Variants in PTPRD observed in about 807,000 individuals in gnomAD.
The protein encoded by PTPRD is receptor-type tyrosine-protein phosphatase delta.
PTPRD carries 34 observed loss-of-function variants against 214.5 expected under a neutral mutation model. That is an observed-to-expected ratio of 0.16 (90% CI 0.12 to 0.21). The LOEUF (loss-of-function observed/expected upper bound fraction) is 0.21. Ranked by LOEUF, PTPRD falls within the 10% of genes least tolerant of loss-of-function variation. The pLI is 1.00. For missense variants in PTPRD, 2,545 were observed against 2,398.7 expected, an observed-to-expected ratio of 1.06 and a Z score of -1.27; for synonymous variants, 1,128 against 845.7, an observed-to-expected ratio of 1.33 and a Z score of -5.79.
intron 35 of PTPRD, among the ~76,000 whole-genome samples, chr9:8,430,596 C>G (rs1166469163): frequency 6.6e-6 from 1 of 152,002 alleles, no homozygotes; most frequent in Middle Eastern, 3.2e-3. Context: ...ATTTATTACA[C>G]AAAGACATCA....
intron 3 of PTPRD, among the ~76,000 whole-genome samples, chr9:10,234,007 C>G (rs1240217865): frequency 1.3e-5 from 2 of 151,698 alleles, no homozygotes; most frequent in East Asian, 2.0e-4. Flanking sequence ...AATCCCAGCA[C>G]TTTTGGAGGC....
At chr9:10,185,044 G>A (rs1217342258) in intron 3 of PTPRD, among the ~76,000 whole-genome samples, 4 of 152,060 alleles carry the variant, frequency 2.6e-5, no homozygotes, top group Non-Finnish European at 4.4e-5. Flanking sequence ...GATTAATGCA[G>A]TATAAACAAA....
chr9:10,001,120 C>A (rs371847867), intron 4 of PTPRD, among the ~76,000 whole-genome samples: 1 of 152,042 alleles, frequency 6.6e-6, no homozygotes, highest in Admixed American at 6.6e-5. Flanking sequence ...TCCTTAAAAC[C>A]ACTCCACGTG....
At chr9:10,313,181 T>C (rs536976854) in intron 3 of PTPRD, among the ~76,000 whole-genome samples, 1 of 151,976 alleles carries the variant, frequency 6.6e-6, no homozygotes, top group African/African-American at 2.4e-5. Flanking sequence ...GAGCATAACT[T>C]CCACCATTTG....
intron 8 of PTPRD, among the ~76,000 whole-genome samples, chr9:9,424,757 G>C (rs990669088): frequency 1.3e-5 from 2 of 152,070 alleles, no homozygotes; most frequent in Non-Finnish European, 2.9e-5. Flanking sequence ...AATTTAGGAA[G>C]GTCACTAGAT....
intron 7 of PTPRD, among the ~76,000 whole-genome samples, chr9:9,721,782 G>T (rs2097953691): frequency 6.6e-6 from 1 of 151,956 alleles, no homozygotes. Flanking sequence ...ATGTTTGTTG[G>T]AAGGTGAATT....
intron 2 of PTPRD, among the ~76,000 whole-genome samples, chr9:10,482,238 G>T (rs907593995): frequency 6.6e-6 from 1 of 151,850 alleles, no homozygotes; most frequent in Admixed American, 6.6e-5. Flanking sequence ...GGGCGTGGTG[G>T]CGGGTGCCTG....
At chr9:10,211,031 C>T (rs2099514758) in intron 3 of PTPRD, among the ~76,000 whole-genome samples, 1 of 151,174 alleles carries the variant, frequency 6.6e-6, no homozygotes, top group African/African-American at 2.4e-5. Flanking sequence ...ACTTGAAAAA[C>T]ACAGTATATG....
Position 8,404,563 on chromosome 9 carries a change from G to A in PTPRD, c.4184C>T (p.Ser1395Phe). 6.2e-7 allele frequency: 1 copy of A among 1,613,000 alleles called. No individual in the cohort carries two copies. The highest frequency in any genetic ancestry group is 8.5e-7 in the Non-Finnish European group (1 of 1,179,146). ...TTCTATAGCTGATAGGAGAACCCGG[G>A]AATGATCATATGCGATTACATTCGC... ...RYANVIAYDH[S>F]RVLLSAIEGI... is the part of the protein sequence containing the mutation. The change falls in exon 36 of 46, where the codon TCC becomes TTC. Residue 1395 changes from serine to phenylalanine, a missense_variant. Ser to Phe is a radical substitution (Grantham distance 155). Coordinates refer to ENST00000381196, the MANE Select transcript of PTPRD (RefSeq NM_002839.4).
At chr9:9,944,940 A>T (rs927751889) in intron 4 of PTPRD, among the ~76,000 whole-genome samples, 1 of 152,100 alleles carries the variant, frequency 6.6e-6, no homozygotes, top group Non-Finnish European at 1.5e-5. Context: ...AAAACAACAA[A>T]AAGGCCTACT....
At chr9:10,251,566 C>G (rs1255660526) in intron 3 of PTPRD, among the ~76,000 whole-genome samples, 2 of 152,116 alleles carry the variant, frequency 1.3e-5, no homozygotes, top group Admixed American at 6.6e-5. Flanking sequence ...TATGAATGAG[C>G]TTGTGTAATG....
At chr9:8,396,172 G>C (rs2091115290) in intron 36 of PTPRD, among the ~76,000 whole-genome samples, 2 of 152,044 alleles carry the variant, frequency 1.3e-5, no homozygotes, top group South Asian at 4.1e-4. Context: ...AAAAGTCCTG[G>C]AACCAACACC....
intron 4 of PTPRD, among the ~76,000 whole-genome samples, chr9:10,020,162 A>T (rs1459647225): frequency 6.6e-6 from 1 of 152,180 alleles, no homozygotes; most frequent in Non-Finnish European, 1.5e-5. Context: ...AACAGGAACC[A>T]TTTTATAACC....
intron 8 of PTPRD, among the ~76,000 whole-genome samples, chr9:9,539,667 T>C (rs1451385255): frequency 6.6e-6 from 1 of 151,830 alleles, no homozygotes; most frequent in Non-Finnish European, 1.5e-5. Context: ...GTAAAATAAG[T>C]TCTCCCAAAG....
intron 8 of PTPRD, among the ~76,000 whole-genome samples, chr9:9,533,620 G>A (rs1590944967): frequency 6.6e-6 from 1 of 151,928 alleles, no homozygotes; most frequent in African/African-American, 2.4e-5. Context: ...TACAAAAATG[G>A]TATGCTTCAA....
rs533419276 is a variant in PTPRD at position 8,658,690 on chromosome 9, G to A, written c.65-21846C>T. ...CATTTGGAAAAAAAAAAAAAAAAAG[G>A]TGAAGACAAGTCAGAAATTCTCCTT... On this transcript the variant is annotated intron_variant, in intron 12 of 45. Coordinates refer to ENST00000381196, the MANE Select transcript of PTPRD (RefSeq NM_002839.4). Among the ~76,000 whole-genome samples the A allele has an allele frequency of 3.4e-5, 5 of 147,520 alleles. No homozygotes were observed. In the South Asian group the frequency reaches 1.1e-3, roughly 31 times the overall value.
chr9:10,434,212 C>T (rs1259280173), intron 2 of PTPRD, among the ~76,000 whole-genome samples: 1 of 151,672 alleles, frequency 6.6e-6, no homozygotes, highest in African/African-American at 2.4e-5. Flanking sequence ...TTTAAATAAA[C>T]TCCATATGCA....
intron 2 of PTPRD, among the ~76,000 whole-genome samples, chr9:10,600,936 T>G (rs2077809561): frequency 6.6e-6 from 1 of 151,750 alleles, no homozygotes; most frequent in Non-Finnish European, 1.5e-5. Flanking sequence ...TAAATCTTCA[T>G]TATCACATCA....
intron 2 of PTPRD, among the ~76,000 whole-genome samples, chr9:10,343,180 A>C (rs80293145): frequency 0.07 from 10,202 of 146,782 alleles, 483 homozygotes; most frequent in South Asian, 0.16. Flanking sequence ...CCCTGTGTCC[A>C]GGTGATCTCC....
Sources: allele counts gnomAD v4.1 joint callset (sites outside exome capture counted in the v4.1 genomes callset), GRCh38; gene constraint gnomAD v4.1.1; transcripts MANE v1.5; gene names NCBI Gene and HGNC (gene_info 2026-07-23, HGNC 2026-07-21).